The following CHRM3 variants were observed in gnomAD, a reference collection of about 807,000 sequenced individuals.
The protein encoded by CHRM3 is cholinergic receptor muscarinic 3.
A neutral mutation model predicts 41.8 loss-of-function variants in CHRM3; 11 were observed. The ratio of observed to expected loss-of-function variants is 0.26; its 90% CI spans 0.17 to 0.44. The LOEUF (loss-of-function observed/expected upper bound fraction) is 0.44, where lower values mean the gene tolerates loss of function less well. Ranked by LOEUF, CHRM3 falls within the 20% of genes least tolerant of loss-of-function variation. The pLI, the probability that CHRM3 is intolerant of heterozygous loss-of-function variation, is 1.00. For synonymous variants in CHRM3, 297 were observed against 301.4 expected (o/e 0.99, Z 0.15); for missense variants, 571 against 745.4 (o/e 0.77, Z 2.72).
rs1231549286 is a variant in CHRM3 at position 239,748,271 on chromosome 1, T to C, written c.-147+69983T>C. ...ACTGCTTTTTATCATTAATTCTCAT[T>C]ATGGGATTCACATTCCTCATTTTTT... On this transcript the variant is annotated intron_variant, in intron 5 of 6. Coordinates refer to ENST00000676153, the MANE Select transcript of CHRM3 (RefSeq NM_001375978.1). The surrounding 1 kb of genome is among the most constrained non-coding windows in gnomAD (Gnocchi z 4.3). Among the ~76,000 whole-genome samples, 1 of 152,220 alleles carries C rather than the reference T, an allele frequency of 6.6e-6. No homozygotes were observed. The highest frequency in any genetic ancestry group is 1.5e-5 in the Non-Finnish European group (1 of 68,032).
intron 1 of CHRM3, among the ~76,000 whole-genome samples, chr1:239,474,989 G>A (rs527965885): frequency 6.6e-6 from 1 of 152,146 alleles, no homozygotes; most frequent in Admixed American, 6.5e-5. Flanking sequence ...GAACTAGTTT[G>A]ATATTTCCTA....
At chr1:239,483,931 G>T (rs758144997) in intron 1 of CHRM3, among the ~76,000 whole-genome samples, 1 of 152,166 alleles carries the variant, frequency 6.6e-6, no homozygotes, top group Non-Finnish European at 1.5e-5. Flanking sequence ...TCTCTTGGAA[G>T]CTTATTTTGT....
intron 3 of CHRM3, among the ~76,000 whole-genome samples, chr1:239,604,561 T>C (rs191277284): frequency 6.6e-6 from 1 of 152,342 alleles, no homozygotes; most frequent in East Asian, 1.9e-4. Flanking sequence ...CTCTGCTGGC[T>C]TTCTTTGCCC....
chr1:239,465,120 TATG>T (rs1285964861), intron 1 of CHRM3, among the ~76,000 whole-genome samples: 4 of 152,164 alleles, frequency 2.6e-5, no homozygotes, highest in African/African-American at 9.7e-5. Flanking sequence ...AAAATGGAGA[TATG>T]ATGTTTTCTA....
chr1:239,907,338 A>G lies in CHRM3; in HGVS notation c.-19-95A>G, dbSNP rs954834267. On this transcript the variant is annotated intron_variant, in intron 6 of 6. Coordinates refer to ENST00000676153, the MANE Select transcript of CHRM3 (RefSeq NM_001375978.1). The surrounding 1 kb of genome is among the most constrained non-coding windows in gnomAD (Gnocchi z 5.4). ...CTTCATAGAGATTCAGCACCCTGTA[A>G]TAGGCCTTCCATGTCTTTTAACGTA... 2 of 886,978 alleles carry G rather than the reference A, an allele frequency of 2.3e-6. No homozygotes were observed. Among genetic ancestry groups the G allele is most frequent in the Non-Finnish European group, 3.5e-6 (2 of 578,598 alleles). 54.9% of individuals were successfully genotyped at this position (886,978 alleles called of 1,614,324 possible).
intron 1 of CHRM3, among the ~76,000 whole-genome samples, chr1:239,415,897 A>T (rs761631951): frequency 1.3e-5 from 2 of 152,216 alleles, no homozygotes; most frequent in Non-Finnish European, 2.9e-5. Context: ...ATAAAATATG[A>T]CAGGCAGAAG....
intron 3 of CHRM3, among the ~76,000 whole-genome samples, chr1:239,627,094 C>T (rs1434841846): frequency 4.2e-5 from 5 of 118,788 alleles, no homozygotes; most frequent in Non-Finnish European, 7.1e-5. Flanking sequence ...CTAATGTTGA[C>T]AGTGGGGTGT....
intron 5 of CHRM3, among the ~76,000 whole-genome samples, chr1:239,825,361 CCTCT>C (rs1300606710): frequency 6.6e-6 from 1 of 152,176 alleles, no homozygotes; most frequent in East Asian, 1.9e-4. Context: ...AAGTGCCCTC[CCTCT>C]CTCTTTGCCT....
chr1:239,881,638 G>A (rs1007844025), intron 6 of CHRM3, among the ~76,000 whole-genome samples: 26 of 152,204 alleles, frequency 1.7e-4, no homozygotes, highest in African/African-American at 6.3e-4. Flanking sequence ...CAGGGACTTG[G>A]AACCCACACT....
chr1:239,676,847 A>ATT (rs1558444224), intron 4 of CHRM3, among the ~76,000 whole-genome samples: 4 of 152,190 alleles, frequency 2.6e-5, no homozygotes, highest in Non-Finnish European at 4.4e-5. Flanking sequence ...GTATGCTTTC[A>ATT]TTTGTACAGT....
At chr1:239,394,184 T>C (rs920931002) in intron 1 of CHRM3, among the ~76,000 whole-genome samples, 5 of 152,208 alleles carry the variant, frequency 3.3e-5, no homozygotes, top group Admixed American at 2.6e-4. Context: ...CAGAAGTTTA[T>C]TCTTTCACAA....
intron 6 of CHRM3, among the ~76,000 whole-genome samples, chr1:239,904,571 C>A (rs556519440): frequency 1.3e-5 from 2 of 152,206 alleles, no homozygotes; most frequent in South Asian, 4.1e-4. Flanking sequence ...TGGAAGAAAT[C>A]CTGAATGTAA....
chr1:239,403,048 C>T (rs1481432084), intron 1 of CHRM3, among the ~76,000 whole-genome samples: 1 of 152,174 alleles, frequency 6.6e-6, no homozygotes, highest in Non-Finnish European at 1.5e-5. Flanking sequence ...TTTCAATCCC[C>T]ATGCTCCTTT....
At chr1:239,687,391 G>C (rs773006357) in intron 5 of CHRM3, among the ~76,000 whole-genome samples, 2 of 152,038 alleles carry the variant, frequency 1.3e-5, no homozygotes, top group African/African-American at 4.8e-5. Flanking sequence ...CTAATCCGTC[G>C]TTATTTATCA....
chr1:239,688,557 CAT>C (rs1162484649), intron 5 of CHRM3, among the ~76,000 whole-genome samples: 2 of 133,504 alleles, frequency 1.5e-5, no homozygotes, highest in Non-Finnish European at 3.1e-5. Flanking sequence ...ATTTATATAA[CAT>C]ATATTATATG....
At chr1:239,443,451 A>C (rs1388460693) in intron 1 of CHRM3, among the ~76,000 whole-genome samples, 2 of 152,208 alleles carry the variant, frequency 1.3e-5, no homozygotes, top group African/African-American at 2.4e-5. Flanking sequence ...ATCTAGAAAA[A>C]AAAACTTCCA....
chr1:239,392,120 A>T (rs370305129), intron 1 of CHRM3, among the ~76,000 whole-genome samples: 113 of 152,278 alleles, frequency 7.4e-4, no homozygotes, highest in African/African-American at 2.6e-3. Context: ...CGCCCTTGCC[A>T]AGAACTTCTC....
intron 1 of CHRM3, among the ~76,000 whole-genome samples, chr1:239,390,434 A>T (rs1180223299): frequency 6.6e-6 from 1 of 152,156 alleles, no homozygotes; most frequent in Non-Finnish European, 1.5e-5. Context: ...GTTAAATTAG[A>T]AGTTAGTTTC....
chr1:239,825,124 G>A (rs577414894), intron 5 of CHRM3, among the ~76,000 whole-genome samples: 1 of 152,300 alleles, frequency 6.6e-6, no homozygotes, highest in Admixed American at 6.5e-5. Context: ...TCCAGCGGAT[G>A]CCTTTTTAAT....
Sources: gnomAD v4.1 joint callset for allele counts (sites outside exome capture counted in the v4.1 genomes callset) on GRCh38, gnomAD v4.1.1 for gene constraint, Gnocchi (gnomAD v3.1) non-coding constraint, MANE v1.5 for transcripts, NCBI Gene and HGNC (gene_info 2026-07-23, HGNC 2026-07-21) for gene names.